The following PTPRM variants were observed in gnomAD, a reference collection of about 807,000 sequenced individuals.
The protein encoded by PTPRM is protein tyrosine phosphatase receptor type M.
Under a neutral mutation model 186.7 loss-of-function variants are expected in PTPRM, and 47 were observed. That is an observed-to-expected ratio of 0.25 (90% CI 0.20 to 0.32). The LOEUF is 0.32. PTPRM is among the 10% of genes least tolerant of loss of function. The pLI is 1.00. For synonymous variants in PTPRM, 668 were observed against 674.9 expected (o/e 0.99, Z 0.16); for missense variants, 1,494 against 1,865.0 (o/e 0.80, Z 3.66).
At chr18:7,696,295 A>C (rs2039841921) in intron 1 of PTPRM, among the ~76,000 whole-genome samples, 1 of 152,192 alleles carries the variant, frequency 6.6e-6, no homozygotes, top group African/African-American at 2.4e-5. Context: ...TGGAAAATGA[A>C]AACAATCTCG....
At chr18:8,183,300 A>G (rs2093601360) in intron 14 of PTPRM, among the ~76,000 whole-genome samples, 1 of 152,202 alleles carries the variant, frequency 6.6e-6, no homozygotes, top group African/African-American at 2.4e-5. Context: ...CTAAAATCCT[A>G]ATTTTTTATT....
At chr18:7,592,686 G>T (rs1231664884) in intron 1 of PTPRM, among the ~76,000 whole-genome samples, 1 of 152,240 alleles carries the variant, frequency 6.6e-6, no homozygotes, top group East Asian at 1.9e-4. Flanking sequence ...CAGGGTCCTA[G>T]AATTGGGAGG....
chr18:8,211,577 C>G (rs12967165), intron 14 of PTPRM, among the ~76,000 whole-genome samples: 40,463 of 150,906 alleles, frequency 0.27, 5,596 homozygotes, highest in Middle Eastern at 0.5. Flanking sequence ...CTATTTTTTT[C>G]TATCTTTAGT....
At position 7,743,648 on chromosome 18, in the gene PTPRM, A is replaced by T. The variant is rs117490391; in HGVS notation, c.74-30501A>T. 2.0e-4 allele frequency among the ~76,000 whole-genome samples: 31 copies of T among 152,322 alleles called. No individual in the cohort carries two copies. The East Asian group carries it at 4.4e-3, about 22-fold the overall frequency. On this transcript the variant is annotated intron_variant, in intron 1 of 32. Transcript: ENST00000580170. ...GGGCTTTATTAGTGCAGGATTAAGC[A>T]TGTAGTTGGCTAATGTCAGTGAATT...
chr18:7,810,355 G>A (rs7240117), intron 2 of PTPRM, among the ~76,000 whole-genome samples: 3 of 152,248 alleles, frequency 2.0e-5, no homozygotes, highest in African/African-American at 7.2e-5. Flanking sequence ...TGCTAACTGT[G>A]AGGATACAGT....
At chr18:7,879,032 T>C (rs1337007425) in intron 2 of PTPRM, among the ~76,000 whole-genome samples, 1 of 152,208 alleles carries the variant, frequency 6.6e-6, no homozygotes, top group Non-Finnish European at 1.5e-5. Context: ...CTTTACTCAG[T>C]GTTTGTTTTT....
chr18:7,634,038 T>C (rs2038254164), intron 1 of PTPRM, among the ~76,000 whole-genome samples: 1 of 152,162 alleles, frequency 6.6e-6, no homozygotes, highest in Admixed American at 6.5e-5. Flanking sequence ...CCGCTGGGTA[T>C]GGTGTGATTT....
intron 7 of PTPRM, among the ~76,000 whole-genome samples, chr18:7,985,095 A>G (rs1183868242): frequency 7.7e-6 from 1 of 130,056 alleles, no homozygotes; most frequent in East Asian, 2.2e-4. Flanking sequence ...ATATACATAT[A>G]ATTATATATA....
At chr18:8,281,209 A>G (rs570076351) in intron 19 of PTPRM, among the ~76,000 whole-genome samples, 24 of 152,226 alleles carry the variant, frequency 1.6e-4, no homozygotes, top group Non-Finnish European at 2.5e-4. Flanking sequence ...ACCATGCTGC[A>G]TTCTCTCCCT....
chr18:7,729,526 C>G (rs1400426703), intron 1 of PTPRM, among the ~76,000 whole-genome samples: 2 of 147,970 alleles, frequency 1.4e-5, no homozygotes, highest in Non-Finnish European at 3.0e-5. Context: ...TATAATAAGG[C>G]TGAAAAAAAA....
intron 23 of PTPRM, among the ~76,000 whole-genome samples, chr18:8,350,587 A>T (rs1036290013): frequency 6.6e-6 from 1 of 152,154 alleles, no homozygotes; most frequent in African/African-American, 2.4e-5. Flanking sequence ...ACCATCTTCT[A>T]TCCATTCCAT....
intron 1 of PTPRM, among the ~76,000 whole-genome samples, chr18:7,614,741 T>G (rs2037760039): frequency 6.6e-6 from 1 of 152,238 alleles, no homozygotes; most frequent in African/African-American, 2.4e-5. Flanking sequence ...AAACAGGTAA[T>G]GAGTTTGACA....
At chr18:8,104,516 C>A (rs552652595) in intron 11 of PTPRM, among the ~76,000 whole-genome samples, 1 of 152,288 alleles carries the variant, frequency 6.6e-6, no homozygotes, top group African/African-American at 2.4e-5. Context: ...ATGATCATAG[C>A]TCACTGCAGC....
rs781514891 is a variant in PTPRM, at chr18:7,949,214, A to G, written c.697A>G (p.Ile233Val). 2 of 1,611,192 alleles carry G rather than the reference A, an allele frequency of 1.2e-6. No homozygotes were observed. The highest frequency in any genetic ancestry group is 3.3e-5 in the Admixed American group (2 of 60,012). The part of the protein sequence containing the change: ...IDVRDAPLKE[I>V]KVTSSRRFIA... ...TGTGCGAGATGCTCCTCTGAAGGAA[A>G]TCAAGGTGACCAGCTCCCGACGCTT... Residue 233 changes from isoleucine to valine, a missense_variant, in exon 6 of 33, where the codon ATC (isoleucine) becomes GTC (valine). Transcript: ENST00000580170.
intron 14 of PTPRM, among the ~76,000 whole-genome samples, chr18:8,218,462 A>G (rs2094115596): frequency 6.6e-6 from 1 of 152,178 alleles, no homozygotes; most frequent in Admixed American, 6.5e-5. Flanking sequence ...TGGAAGACTA[A>G]GGGAGTTAAA....
intron 22 of PTPRM, among the ~76,000 whole-genome samples, chr18:8,323,705 T>C (rs558927989): frequency 6.6e-6 from 1 of 152,218 alleles, no homozygotes; most frequent in East Asian, 1.9e-4. Context: ...CAGCACCCTG[T>C]AGAGTCCAGG....
intron 19 of PTPRM, among the ~76,000 whole-genome samples, chr18:8,289,609 TATATATATACAC>T (rs1269639620): frequency 6.5e-5 from 8 of 123,718 alleles, no homozygotes; most frequent in South Asian, 5.7e-4. Context: ...TATACACACA[TATATATATACAC>T]ATATATATAT....
intron 20 of PTPRM, among the ~76,000 whole-genome samples, chr18:8,311,265 C>T (rs547633706): frequency 1.8e-4 from 28 of 151,778 alleles, no homozygotes; most frequent in African/African-American, 1.5e-4. Flanking sequence ...GCCGAGATCG[C>T]GCCATTGCAC....
intron 1 of PTPRM, among the ~76,000 whole-genome samples, chr18:7,590,355 T>G (rs2037092584): frequency 6.6e-6 from 1 of 152,170 alleles, no homozygotes; most frequent in Non-Finnish European, 1.5e-5. Flanking sequence ...CATTGATCAG[T>G]GGCTGTTCCC....
Sources: allele counts gnomAD v4.1 joint callset (sites outside exome capture counted in the v4.1 genomes callset), GRCh38; gene constraint gnomAD v4.1.1; transcripts MANE v1.5; gene names NCBI Gene and HGNC (gene_info 2026-07-23, HGNC 2026-07-21).